The following EGFL7 variants were observed in gnomAD, a reference collection of about 807,000 sequenced individuals.
The protein encoded by EGFL7 is EGF like domain multiple 7.
EGFL7 carries 48 observed loss-of-function variants against 37.1 expected under a neutral mutation model. That is an observed-to-expected ratio of 1.29 (90% CI 1.03 to 1.65). The LOEUF (loss-of-function observed/expected upper bound fraction) is 1.65. Among genes scored for constraint, EGFL7 ranks in the 40% most tolerant of loss-of-function variants. The pLI is 0.00. For missense variants in EGFL7, 384 were observed against 378.9 expected (o/e 1.01, Z -0.11); for synonymous variants, 180 against 156.8 (o/e 1.15, Z -1.10).
At chr9:136,669,268 C>T (rs192945544) in intron 5 of EGFL7, among the ~76,000 whole-genome samples, 179 of 152,350 alleles carry the variant, frequency 1.2e-3, no homozygotes, top group African/African-American at 3.9e-3. Context: ...CACACTCTGC[C>T]GTGACTCGCC....
chr9:136,662,379 T>G (rs998500807), upstream of EGFL7, among the ~76,000 whole-genome samples: 10 of 152,160 alleles, frequency 6.6e-5, no homozygotes, highest in Non-Finnish European at 1.5e-4. Flanking sequence ...CCGCTCAGCC[T>G]GTCTTGCCAC....
intron 3 of EGFL7, among the ~76,000 whole-genome samples, chr9:136,667,954 G>A (rs552956974): frequency 5.9e-5 from 9 of 152,302 alleles, no homozygotes; most frequent in Non-Finnish European, 1.2e-4. Flanking sequence ...CCGGAGCCTC[G>A]GGCAGATGCC....
In EGFL7 at chr9:136,668,576, C is replaced by A; in HGVS notation, c.100C>A (p.Arg34=). The A allele has an allele frequency of 6.2e-7, 1 of 1,609,066 alleles. No individual in the cohort carries two copies. The highest frequency in any genetic ancestry group is 2.2e-5 in the East Asian group (1 of 44,870). ...YRPGRRVCAV[R]AHGDPVSESF... is the part of the protein sequence containing the mutation. ...CCGCAGCCGTAGGGTGTGTGCTGTC[C>A]GGGCTCACGGGGACCCTGTCTCCGA... Residue 34 remains arginine, a synonymous_variant, in exon 5 of 11, where the codon CGG becomes AGG. Coordinates refer to ENST00000308874, the MANE Select transcript of EGFL7 (RefSeq NM_016215.5).
intron 5 of EGFL7, among the ~76,000 whole-genome samples, chr9:136,669,085 C>A (rs556530410): frequency 6.6e-6 from 1 of 152,322 alleles, no homozygotes; most frequent in East Asian, 1.9e-4. Flanking sequence ...ACATGACGGC[C>A]CCCAGTGGGC....
chr9:136,668,306 G>A lies in EGFL7; in HGVS notation c.24G>A (p.Leu8=). 1.2e-6 allele frequency: 2 copies of A among 1,608,312 alleles called. No homozygotes were observed. Among genetic ancestry groups the A allele is most frequent in the South Asian group, 2.2e-5 (2 of 90,266 alleles). The change falls in exon 4 of 11, where the codon CTG becomes CTA. Residue 8 remains leucine, a synonymous_variant. Coordinates refer to ENST00000308874, the MANE Select transcript of EGFL7 (RefSeq NM_016215.5). ...CCATGAGGGGCTCTCAGGAGGTGCT[G>A]CTGATGTGGCTTCTGGTGTTGGCAG... MRGSQEV[L]LMWLLVLAVG... is the part of the protein sequence containing the mutation.
Position 136,670,332 on chromosome 9 carries a change from T to TAA in EGFL7, c.571+4_571+5dup. 6.4e-7 allele frequency: 1 copy of TAA among 1,560,924 alleles called. No homozygotes were observed. Among genetic ancestry groups the TAA allele is most frequent in the Non-Finnish European group, 8.7e-7 (1 of 1,150,324 alleles). On this transcript the variant is annotated splice_region_variant and intron_variant, in intron 8 of 10. Transcript: ENST00000308874. ...CCAGGGTGGCCCCCAACCCGACAGG[T>TAA]AAACAGCCCTGGCTGTGCCTGGCCT...
rs1309718518 is a variant in EGFL7 at position 136,672,499 on chromosome 9, C to T, written c.*213C>T. On this transcript the variant is annotated 3_prime_UTR_variant, in exon 11 of 11. Transcript: ENST00000308874. ...ATCTTCTCTGTGAATCCACCCCTGG[C>T]TACCCCCACCCTGGCTACCCCAACG... 9.5e-6 allele frequency: 6 copies of T among 634,598 alleles called. No individual in the cohort carries two copies. Among genetic ancestry groups the T allele is most frequent in the Non-Finnish European group, 1.6e-5 (6 of 366,724 alleles). The allele number at this position is 634,598 out of a possible 1,614,324, so 39.3% of individuals were successfully genotyped here. A position where few individuals can be genotyped will look rare whatever the true frequency, so the allele number is the denominator to read the frequency against.
chr9:136,671,516 C>T (rs1056266388), intron 9 of EGFL7, among the ~76,000 whole-genome samples: 1 of 151,264 alleles, frequency 6.6e-6, no homozygotes, highest in Non-Finnish European at 1.5e-5. Flanking sequence ...TGGGCAGAAG[C>T]AGCTGGACAC....
At position 136,668,450 on chromosome 9, in the gene EGFL7, G is replaced by A; in HGVS notation, c.80+88G>A. The stretch of plus-strand genomic sequence containing the variant: ...AGAGGCGGCCCTCAGCACCTGTCGG[G>A]GACTCCCTGGGGGCTCCTGCTGAGG... On this transcript the variant is annotated intron_variant, in intron 4 of 10. Coordinates refer to ENST00000308874, the MANE Select transcript of EGFL7 (RefSeq NM_016215.5). 3 of 1,509,782 alleles carry A rather than the reference G, an allele frequency of 2.0e-6. 1 individual carries two copies. The Admixed American group carries it at 5.4e-5, about 27-fold the overall frequency. The allele number at this position is 1,509,782 out of a possible 1,614,324, so 93.5% of individuals were successfully genotyped here.
intron 5 of EGFL7, 91 bp downstream of exon 5, chr9:136,668,764 T>C (rs1379989957): frequency 1.7e-6 from 2 of 1,169,206 alleles, no homozygotes; most frequent in Non-Finnish European, 2.5e-6. Flanking sequence ...GGGTGAATCC[T>C]GGGACCCAAG....
chr9:136,668,647 C>T lies in EGFL7; in HGVS notation c.171C>T (p.Asp57=), dbSNP rs754341907. ...ACCAGCCCTTCCTCACCACCTGCGA[C>T]GGGCACCGGGCCTGCAGCACCTACC... ...RVYQPFLTTC[D]GHRACSTYRT... The change falls in exon 5 of 11, where the codon GAC becomes GAT. Residue 57 remains aspartate, a synonymous_variant. Coordinates refer to ENST00000308874, the MANE Select transcript of EGFL7 (RefSeq NM_016215.5). The T allele has an allele frequency of 1.0e-5, 16 of 1,604,136 alleles. No individual in the cohort carries two copies. Among genetic ancestry groups the T allele is most frequent in the African/African-American group, 2.7e-5 (2 of 74,890 alleles).
At chr9:136,662,040 C>T (rs1475587563), upstream of EGFL7, among the ~76,000 whole-genome samples, 1 of 151,832 alleles carries the variant, frequency 6.6e-6, no homozygotes, top group Admixed American at 6.6e-5. Flanking sequence ...GTGGCTCGCT[C>T]GGCCTGAGGC....
intron 4 of EGFL7, 94 bp from the exon 5 acceptor site, chr9:136,668,463 G>A (rs548057735): frequency 6.6e-5 from 101 of 1,521,222 alleles, no homozygotes; most frequent in Non-Finnish European, 2.2e-5. Context: ...CTCCCTGGGG[G>A]CTCCTGCTGA....
upstream of EGFL7, among the ~76,000 whole-genome samples, chr9:136,662,275 CT>C (rs1845194814): frequency 6.6e-6 from 1 of 152,188 alleles, no homozygotes; most frequent in African/African-American, 2.4e-5. Context: ...ACTGGCAGCT[CT>C]TTTAGGGGAG....
chr9:136,668,125 A>AG, intron 3 of EGFL7, 116 bp from the exon 4 acceptor site: 1 of 614,696 alleles, frequency 1.6e-6, no homozygotes, highest in Non-Finnish European at 2.8e-6. Flanking sequence ...GGGCTGTCCC[A>AG]CCGGTGGAGG....
chr9:136,667,633 C>T (rs1354454179), intron 3 of EGFL7, among the ~76,000 whole-genome samples: 1 of 152,204 alleles, frequency 6.6e-6, no homozygotes, highest in Non-Finnish European at 1.5e-5. Context: ...CATATCCCAG[C>T]CTGGGAAGGA....
At chr9:136,668,889 G>A (rs1006885252) in intron 5 of EGFL7, among the ~76,000 whole-genome samples, 5 of 152,116 alleles carry the variant, frequency 3.3e-5, no homozygotes, top group African/African-American at 1.2e-4. Context: ...CTCTTGCCCC[G>A]ACACGTCTCA....
At position 136,668,367 on chromosome 9, in the gene EGFL7, G is replaced by C. The variant is rs769322891; in HGVS notation, c.80+5G>C. ...AGAGCACGCCTACCGGCCCGGGTGA[G>C]CCAAGCCCTAGCCTGGGAGTGCTGG... On this transcript the variant is annotated splice_donor_5th_base_variant and intron_variant, in intron 4 of 10. Transcript: ENST00000308874. 1 of 1,591,896 alleles carries C rather than the reference G, an allele frequency of 6.3e-7. No individual in the cohort carries two copies. Among genetic ancestry groups the C allele is most frequent in the Non-Finnish European group, 8.6e-7 (1 of 1,168,844 alleles).
In EGFL7 at chr9:136,668,345, G is replaced by A. The variant is rs2119121886; in HGVS notation, c.63G>A (p.Glu21=). The A allele has an allele frequency of 6.2e-7, 1 of 1,603,328 alleles. No homozygotes were observed. Among genetic ancestry groups the A allele is most frequent in the Non-Finnish European group, 8.5e-7 (1 of 1,175,028 alleles). The change falls in exon 4 of 11, where the codon GAG becomes GAA. Residue 21 remains glutamate (E), a synonymous_variant. Transcript: ENST00000308874. The part of the protein sequence containing the change: ...WLLVLAVGGT[E]HAYRPGRRVC... Reference sequence around the variant, plus strand: ...TGGTGTTGGCAGTGGGCGGCACAGAGCACGCCTACCGGCCCGGGTGAGCCA... The same window carrying A: ...TGGTGTTGGCAGTGGGCGGCACAGAACACGCCTACCGGCCCGGGTGAGCCA...
Sources: allele counts gnomAD v4.1 joint callset (sites outside exome capture counted in the v4.1 genomes callset), GRCh38; gene constraint gnomAD v4.1.1; transcripts MANE v1.5; gene names NCBI Gene and HGNC (gene_info 2026-07-23, HGNC 2026-07-21).